The following ASB18 variants were observed in gnomAD, a reference collection of about 807,000 sequenced individuals.
ASB18 encodes ankyrin repeat and SOCS box protein 18.
ASB18 carries 33 observed loss-of-function variants against 33.4 expected under a neutral mutation model. The ratio of observed to expected loss-of-function variants is 0.99; its 90% CI spans 0.75 to 1.32. The LOEUF (loss-of-function observed/expected upper bound fraction) is 1.32, where lower values mean the gene tolerates loss of function less well. Ranked by LOEUF, ASB18 falls within the 40% of genes most tolerant of loss-of-function variation. The pLI, the probability that ASB18 is intolerant of heterozygous loss-of-function variation, is 0.00. For synonymous variants in ASB18, 295 were observed against 307.6 expected, an observed-to-expected ratio of 0.96 and a Z score of 0.43; for missense variants, 694 against 655.5, an observed-to-expected ratio of 1.06 and a Z score of -0.64.
Position 236,197,047 on chromosome 2 carries a change from G to C in ASB18, c.1102-662C>G, listed in dbSNP as rs189845377. On this transcript the variant is annotated intron_variant, in intron 4 of 5. Coordinates refer to ENST00000409749, the MANE Select transcript of ASB18 (RefSeq NM_212556.4). ...TTCATACAAAAAAGTAGTGCCAATAGTATGATAAACTCCCATGTATCCCCG... is the reference window on the plus strand; with the variant it reads ...TTCATACAAAAAAGTAGTGCCAATACTATGATAAACTCCCATGTATCCCCG... Among the ~76,000 whole-genome samples, 545 of 132,708 alleles carry C rather than the reference G, an allele frequency of 4.1e-3. 2 individuals are homozygous for C. The highest frequency in any genetic ancestry group is 5.7e-3 in the Non-Finnish European group (375 of 65,714). The allele number at this position is 132,708 out of a possible 152,430, so 87.1% of individuals were successfully genotyped here.
chr2:236,212,964 G>T lies in ASB18; in HGVS notation c.1101+1398C>A, dbSNP rs145631048. Among the ~76,000 whole-genome samples the T allele has an allele frequency of 2.1e-3, 314 of 152,310 alleles. 5 individuals carry two copies. The highest frequency in any genetic ancestry group is 1.3e-3 in the Non-Finnish European group (90 of 68,026). On this transcript the variant is annotated intron_variant, in intron 4 of 5. Coordinates refer to ENST00000409749, the MANE Select transcript of ASB18 (RefSeq NM_212556.4). ...TCTTTATGCAGTTGCATATGACAAG[G>T]GCTGAAGTGTGTGTTGGTTTAATGC...
rs951058732 is a variant in ASB18, at chr2:236,249,412, G to A, written c.206-8010C>T. 2.0e-5 allele frequency: 3 copies of A among 152,162 alleles called. No individual in the cohort carries two copies. The highest frequency in any genetic ancestry group is 7.2e-5 in the African/African-American group (3 of 41,430). The allele number at this position is 152,162 out of a possible 1,614,324, so 9.4% of individuals were successfully genotyped here. A position where few individuals can be genotyped will look rare whatever the true frequency, so the allele number is the denominator to read the frequency against. On this transcript the variant is annotated intron_variant, in intron 1 of 5. Transcript: ENST00000409749. The surrounding 1 kb of genome is among the most constrained non-coding windows in gnomAD (Gnocchi z 4.6). ...GATGTGAAGGGGTCTGTCACAGTTT[G>A]CACAGCCTTATTCCACTCTTCACTT...
Position 236,196,328 on chromosome 2 carries a change from G to A in ASB18, c.1159C>T (p.Pro387Ser), listed in dbSNP as rs1398978090. ...CAGGACTCTGACAAGCAGAGCTGAG[G>A]GTAGGAGTTGAAAAGCACCTCGATG... ...AVIEVLFNSY[P>S]QLCLSESWKE... Residue 387 changes from proline (P) to serine (S), a missense_variant, in exon 5 of 6, where the codon CCT (proline) becomes TCT (serine). By Grantham distance (74) the Pro-to-Ser change is moderately conservative (BLOSUM62 -1). Coordinates refer to ENST00000409749, the MANE Select transcript of ASB18 (RefSeq NM_212556.4). The surrounding 1 kb of genome is among the most constrained non-coding windows in gnomAD (Gnocchi z 5.6). The A allele has an allele frequency of 2.1e-5, 33 of 1,567,258 alleles. No homozygotes were observed. The highest frequency in any genetic ancestry group is 2.9e-5 in the Non-Finnish European group (33 of 1,155,358).
chr2:236,201,136 CTCCTTCCT>C (rs950936523), intron 4 of ASB18, among the ~76,000 whole-genome samples: 6 of 150,164 alleles, frequency 4.0e-5, no homozygotes, highest in African/African-American at 1.5e-4. Flanking sequence ...CCTTCCTTCC[CTCCTTCCT>C]TCCTTCCTTC....
chr2:236,219,237 G>A lies in ASB18; in HGVS notation c.597-4371C>T, dbSNP rs2060500652. 6.6e-6 allele frequency among the ~76,000 whole-genome samples: 1 copy of A among 152,106 alleles called. No individual in the cohort carries two copies. The highest frequency in any genetic ancestry group is 1.5e-5 in the Non-Finnish European group (1 of 68,036). ...TCTCTGGATGATGGGCATAGTGGGA[G>A]CTTGTTTCCTTTTTGCCTGCATGCG... is the stretch of plus-strand genomic sequence containing the variant. On this transcript the variant is annotated intron_variant, in intron 3 of 5. Transcript: ENST00000409749. This position sits in a 1 kb window ranked among gnomAD's most constrained non-coding sequence, Gnocchi z 6.4.
At position 236,219,708 on chromosome 2, in the gene ASB18, C is replaced by G. The variant is rs1172993604; in HGVS notation, c.597-4842G>C. Among the ~76,000 whole-genome samples, 2 of 152,202 alleles carry G rather than the reference C, an allele frequency of 1.3e-5. No homozygotes were observed. Among genetic ancestry groups the G allele is most frequent in the Non-Finnish European group, 2.9e-5 (2 of 68,040 alleles). ...ATGCCACCAGTGGAAGAAGAAATAG[C>G]TCAGTAGGGAAAGCATCCCTGAAGC... On this transcript the variant is annotated intron_variant, in intron 3 of 5. Transcript: ENST00000409749. This position sits in a 1 kb window ranked among gnomAD's most constrained non-coding sequence, Gnocchi z 6.4.
intron 1 of ASB18, among the ~76,000 whole-genome samples, chr2:236,247,125 CTTTTT>C (rs3033949): frequency 5.2e-5 from 7 of 133,730 alleles, no homozygotes; most frequent in Admixed American, 1.5e-4. Context: ...GAAACAGACT[CTTTTT>C]TTTTTTTTTT....
rs200718582 is a variant in ASB18, at chr2:236,195,008, C to A, written c.1265G>T (p.Arg422Leu). The A allele has an allele frequency of 3.7e-6, 6 of 1,613,638 alleles. No homozygotes were observed. The Admixed American group carries it at 8.3e-5, about 22-fold the overall frequency. ...QSLFALALTP[R>L]CLQHLCRCAL... ...ACAGCGGCAAAGATGCTGCAGGCAG[C>A]GTGGGGTGAGGGCCAAGGCAAAGAG... is the stretch of plus-strand genomic sequence containing the variant. Residue 422 changes from arginine (R) to leucine (L), a missense_variant, in exon 6 of 6, where the codon CGC becomes CTC. Coordinates refer to ENST00000409749, the MANE Select transcript of ASB18 (RefSeq NM_212556.4). The surrounding 1 kb of genome is among the most constrained non-coding windows in gnomAD (Gnocchi z 5.5).
rs908086395 is a variant in ASB18, at chr2:236,259,625, C to T, written c.205+4516G>A. On this transcript the variant is annotated intron_variant, in intron 1 of 5. Coordinates refer to ENST00000409749, the MANE Select transcript of ASB18 (RefSeq NM_212556.4). The surrounding 1 kb of genome is among the most constrained non-coding windows in gnomAD (Gnocchi z 4.4). Reference sequence around the variant, plus strand: ...GTGAGCAGAGGAGGTGCAGCCCTGGCTGGGAGGATCCTGTTGGGATGGGGA... The same window carrying T: ...GTGAGCAGAGGAGGTGCAGCCCTGGTTGGGAGGATCCTGTTGGGATGGGGA... The T allele has an allele frequency of 2.1e-6, 1 of 469,954 alleles. No individual in the cohort carries two copies. Among genetic ancestry groups the T allele is most frequent in the South Asian group, 1.6e-5 (1 of 64,332 alleles). The allele number at this position is 469,954 out of a possible 1,614,324, so 29.1% of individuals were successfully genotyped here.
rs1356827053 is a variant in ASB18, at chr2:236,255,023, C to T, written c.205+9118G>A. 2.6e-5 allele frequency among the ~76,000 whole-genome samples: 4 copies of T among 152,204 alleles called. No individual in the cohort carries two copies. Among genetic ancestry groups the T allele is most frequent in the Non-Finnish European group, 5.9e-5 (4 of 68,044 alleles). ...TCCTGCCCTGTAAGCTGCCTGCTCC[C>T]CATTTGCGTTCCGCCGCGACTGAAA... On this transcript the variant is annotated intron_variant, in intron 1 of 5. Transcript: ENST00000409749. This position sits in a 1 kb window ranked among gnomAD's most constrained non-coding sequence, Gnocchi z 4.4.
chr2:236,220,020 G>C lies in ASB18; in HGVS notation c.597-5154C>G, dbSNP rs1221028981. ...ATTAATCTCTGGGTGCCTCATCTCT[G>C]TTTTCGATAATGACTGCAATGACAG... is the stretch of plus-strand genomic sequence containing the variant. On this transcript the variant is annotated intron_variant, in intron 3 of 5. Transcript: ENST00000409749. This position sits in a 1 kb window ranked among gnomAD's most constrained non-coding sequence, Gnocchi z 5.1. 6.6e-6 allele frequency among the ~76,000 whole-genome samples: 1 copy of C among 152,216 alleles called. No homozygotes were observed. Among genetic ancestry groups the C allele is most frequent in the Admixed American group, 6.5e-5 (1 of 15,284 alleles).
At position 236,195,959 on chromosome 2, in the gene ASB18, C is replaced by A; in HGVS notation, c.1215+313G>T. On this transcript the variant is annotated intron_variant, in intron 5 of 5. Coordinates refer to ENST00000409749, the MANE Select transcript of ASB18 (RefSeq NM_212556.4). The surrounding 1 kb of genome is among the most constrained non-coding windows in gnomAD (Gnocchi z 5.5). ...CGGATTAGTATGTCCTGACGTGGAG[C>A]TAGGCCCGTGGATTCAGGCGGCTCT... 1 of 398,264 alleles carries A rather than the reference C, an allele frequency of 2.5e-6. No homozygotes were observed. The highest frequency in any genetic ancestry group is 2.2e-5 in the South Asian group (1 of 46,008). 24.7% of individuals were successfully genotyped at this position (398,264 alleles called of 1,614,324 possible).
chr2:236,209,994 G>A lies in ASB18; in HGVS notation c.1101+4368C>T, dbSNP rs2060452031. On this transcript the variant is annotated intron_variant, in intron 4 of 5. Transcript: ENST00000409749. This position sits in a 1 kb window ranked among gnomAD's most constrained non-coding sequence, Gnocchi z 4.4. ...CGGCTCACTCATCACACACTTGAGGGAGCCTTGGACCCTGCCCCCCAGCCA... is the reference window on the plus strand; with the variant it reads ...CGGCTCACTCATCACACACTTGAGGAAGCCTTGGACCCTGCCCCCCAGCCA... Among the ~76,000 whole-genome samples the A allele has an allele frequency of 6.6e-6, 1 of 152,206 alleles. No individual in the cohort carries two copies. Among genetic ancestry groups the A allele is most frequent in the South Asian group, 2.1e-4 (1 of 4,832 alleles).
At position 236,264,049 on chromosome 2, in the gene ASB18, C is replaced by T. The variant is rs1233085220; in HGVS notation, c.205+92G>A. On this transcript the variant is annotated intron_variant, in intron 1 of 5. Transcript: ENST00000409749. The surrounding 1 kb of genome is among the most constrained non-coding windows in gnomAD (Gnocchi z 5.1). ...CCGAGTACATATCATTTACTTTTTCCAAACATTTGCCCCTCTACCTCCAGG... is the reference window on the plus strand; with the variant it reads ...CCGAGTACATATCATTTACTTTTTCTAAACATTTGCCCCTCTACCTCCAGG... 1.8e-6 allele frequency: 2 copies of T among 1,114,202 alleles called. No individual in the cohort carries two copies. Among genetic ancestry groups the T allele is most frequent in the Non-Finnish European group, 2.6e-6 (2 of 761,968 alleles). 69.0% of individuals were successfully genotyped at this position (1,114,202 alleles called of 1,614,324 possible). A position where few individuals can be genotyped will look rare whatever the true frequency, so the allele number is the denominator to read the frequency against.
At chr2:236,258,359 A>G (rs1023037218) in intron 1 of ASB18, among the ~76,000 whole-genome samples, 3 of 152,226 alleles carry the variant, frequency 2.0e-5, no homozygotes, top group Non-Finnish European at 2.9e-5. Context: ...AAATGAGGAA[A>G]TTAAGGTTCA....
intron 3 of ASB18, among the ~76,000 whole-genome samples, chr2:236,233,418 T>C (rs998828430): frequency 1.3e-5 from 2 of 152,072 alleles, no homozygotes; most frequent in Non-Finnish European, 2.9e-5. Flanking sequence ...AACATTGCAC[T>C]GGAGGTTCTA....
In ASB18 at chr2:236,226,762, A is replaced by AT. The variant is rs1423470918; in HGVS notation, c.596+10926dup. Among the ~76,000 whole-genome samples the AT allele has an allele frequency of 1.3e-5, 2 of 152,218 alleles. No individual in the cohort carries two copies. Among genetic ancestry groups the AT allele is most frequent in the South Asian group, 2.1e-4 (1 of 4,832 alleles). ...TTCTGATTTCTTAGTAAGAAGCAATATTTTTCTGATCCTTTAAAGTGGGAG... is the reference window on the plus strand; with the variant it reads ...TTCTGATTTCTTAGTAAGAAGCAATATTTTTTCTGATCCTTTAAAGTGGGAG... On this transcript the variant is annotated intron_variant, in intron 3 of 5. Coordinates refer to ENST00000409749, the MANE Select transcript of ASB18 (RefSeq NM_212556.4). This position sits in a 1 kb window ranked among gnomAD's most constrained non-coding sequence, Gnocchi z 4.8.
rs2060365007 is a variant in ASB18, at chr2:236,195,053, T to C, written c.1220A>G (p.His407Arg). Reference sequence around the variant, plus strand: ...AAAGAGGGACTGGTAGAACGGCTTGTGCATCTGGAAGGGAAGGCAGGTGGA... The same window carrying C: ...AAAGAGGGACTGGTAGAACGGCTTGCGCATCTGGAAGGGAAGGCAGGTGGA... ...EVIPEEVFQM[H>R]KPFYQSLFAL... The change falls in exon 6 of 6, where the codon CAC (histidine) becomes CGC (arginine). Residue 407 changes from histidine (H) to arginine (R), a missense_variant. Physicochemically the swap from His to Arg is conservative, Grantham distance 29. Transcript: ENST00000409749. This position sits in a 1 kb window ranked among gnomAD's most constrained non-coding sequence, Gnocchi z 5.5. 1 of 1,608,520 alleles carries C rather than the reference T, an allele frequency of 6.2e-7. No individual in the cohort carries two copies. Among genetic ancestry groups the C allele is most frequent in the African/African-American group, 1.3e-5 (1 of 74,796 alleles).
chr2:236,261,418 A>G (rs1434790144), intron 1 of ASB18, among the ~76,000 whole-genome samples: 2 of 152,106 alleles, frequency 1.3e-5, no homozygotes, highest in African/African-American at 2.4e-5. Flanking sequence ...CTAGTTTCCC[A>G]TGTTAGCCAG....
Sources: allele counts gnomAD v4.1 joint callset (sites outside exome capture counted in the v4.1 genomes callset), GRCh38; gene constraint gnomAD v4.1.1; non-coding constraint Gnocchi (gnomAD v3.1); transcripts MANE v1.5; gene names NCBI Gene and HGNC (gene_info 2026-07-23, HGNC 2026-07-21).